The following CPED1 variants were observed in gnomAD, a reference collection of about 807,000 sequenced individuals.
CPED1 encodes the protein cadherin like and PC-esterase domain containing 1, also known as cadherin-like and PC-esterase domain-containing protein 1.
A neutral mutation model predicts 128.2 loss-of-function variants in CPED1; 114 were observed. That is an observed-to-expected ratio of 0.89 (90% confidence interval 0.76 to 1.04). CPED1 has a LOEUF of 1.04. CPED1 is among the 50% of genes least tolerant of loss of function. CPED1 has a pLI of 0.00. For synonymous variants in CPED1, 462 were observed against 426.7 expected, an observed-to-expected ratio of 1.08 and a Z score of -1.02; for missense variants, 1,211 against 1,207.1, an observed-to-expected ratio of 1.00 and a Z score of -0.05.
chr7:121,083,429 T>A (rs1419463265), intron 5 of CPED1, among the ~76,000 whole-genome samples: 2 of 152,154 alleles, frequency 1.3e-5, no homozygotes, highest in African/African-American at 4.8e-5. Flanking sequence ...TTTATGATAG[T>A]CTTTAGAATT....
At chr7:121,287,098 C>G (rs758121515) in intron 22 of CPED1, among the ~76,000 whole-genome samples, 73 of 152,168 alleles carry the variant, frequency 4.8e-4, no homozygotes, top group Non-Finnish European at 8.8e-5. Flanking sequence ...TCTACCTGGT[C>G]TCTCCCTTGA....
At chr7:121,278,202 G>C (rs1319917084) in intron 22 of CPED1, among the ~76,000 whole-genome samples, 1 of 152,124 alleles carries the variant, frequency 6.6e-6, no homozygotes, top group Non-Finnish European at 1.5e-5. Flanking sequence ...AAAGACTTTG[G>C]CATGTTTTTA....
intron 18 of CPED1, among the ~76,000 whole-genome samples, chr7:121,259,170 C>T (rs780528799): frequency 4.6e-5 from 7 of 152,006 alleles, no homozygotes; most frequent in Admixed American, 3.9e-4. Context: ...AGAAGCCCAC[C>T]TGCCTATAGG....
chr7:121,134,409 T>A (rs907804022), intron 13 of CPED1, among the ~76,000 whole-genome samples: 1 of 151,958 alleles, frequency 6.6e-6, no homozygotes, highest in Non-Finnish European at 1.5e-5. Context: ...GTTTACCAGT[T>A]TTATGCTCTC....
intron 18 of CPED1, among the ~76,000 whole-genome samples, chr7:121,258,620 C>T (rs1295305244): frequency 2.0e-5 from 3 of 152,056 alleles, no homozygotes; most frequent in Non-Finnish European, 4.4e-5. Flanking sequence ...ACTGGAGGAA[C>T]AGACAATGGA....
chr7:121,138,494 C>T (rs1795830241), intron 14 of CPED1, among the ~76,000 whole-genome samples: 1 of 152,022 alleles, frequency 6.6e-6, no homozygotes, highest in Admixed American at 6.6e-5. Context: ...ATAGTGCTCA[C>T]ACCAGAGATG....
At chr7:121,028,117 G>A (rs1253970236) in intron 3 of CPED1, among the ~76,000 whole-genome samples, 3 of 152,168 alleles carry the variant, frequency 2.0e-5, no homozygotes, top group Non-Finnish European at 2.9e-5. Flanking sequence ...ATGCGTCAGT[G>A]TTCTCTGGAA....
At chr7:121,157,714 AG>A (rs1286619743) in intron 16 of CPED1, among the ~76,000 whole-genome samples, 1 of 152,200 alleles carries the variant, frequency 6.6e-6, no homozygotes, top group Non-Finnish European at 1.5e-5. Context: ...CCCATGAATC[AG>A]GTATCAGACC....
chr7:121,243,896 T>A (rs1410693929), intron 17 of CPED1, among the ~76,000 whole-genome samples: 1 of 152,210 alleles, frequency 6.6e-6, no homozygotes, highest in Non-Finnish European at 1.5e-5. Context: ...CTTACTGAAG[T>A]GTTCAATGTA....
At chr7:121,141,878 A>G (rs1795912596) in intron 15 of CPED1, 95 bp from the exon 16 acceptor site, 2 of 907,210 alleles carry the variant, frequency 2.2e-6, no homozygotes. Context: ...TATTTATTCA[A>G]ATAGGTATTT....
chr7:121,125,671 A>G (rs1584530270), intron 8 of CPED1, 149 bp from the exon 9 acceptor site: 2 of 630,182 alleles, frequency 3.2e-6, no homozygotes, highest in South Asian at 1.9e-5. Context: ...ATAGTATTCC[A>G]TGGTGTGTAT....
intron 16 of CPED1, among the ~76,000 whole-genome samples, chr7:121,213,078 T>C (rs1318607187): frequency 1.3e-5 from 2 of 152,056 alleles, no homozygotes; most frequent in Non-Finnish European, 2.9e-5. Flanking sequence ...TGTTTAAAGA[T>C]GCCATCTGTA....
chr7:121,146,206 G>T (rs1004953970), intron 16 of CPED1, among the ~76,000 whole-genome samples: 1 of 152,006 alleles, frequency 6.6e-6, no homozygotes, highest in Non-Finnish European at 1.5e-5. Flanking sequence ...TCCTCACATG[G>T]TGGAAGCGGG....
Position 121,176,752 on chromosome 7 carries a change from T to C in CPED1, c.2055+34611T>C, listed in dbSNP as rs144968410. The stretch of plus-strand genomic sequence containing the variant: ...AGAAAATTGCTACTTTATGCATTTA[T>C]AGAGGCAGTGGAAAGAGCTGCGCTA... On this transcript the variant is annotated intron_variant, in intron 16 of 22. Coordinates refer to ENST00000310396, the MANE Select transcript of CPED1 (RefSeq NM_024913.5). Among the ~76,000 whole-genome samples the C allele has an allele frequency of 3.1e-3, 476 of 152,230 alleles. 5 individuals are homozygous for C. Among genetic ancestry groups the C allele is most frequent in the African/African-American group, 0.011 (450 of 41,572 alleles).
chr7:121,100,058 T>C lies in CPED1; in HGVS notation c.882T>C (p.Val294=), dbSNP rs1584511491. 6.2e-7 allele frequency: 1 copy of C among 1,613,644 alleles called. No individual in the cohort carries two copies. The part of the protein sequence containing the change: ...LRAFIHSTGT[V]WNPPKKKRFT... ...CATTCATTCATTCGACGGGCACAGT[T>C]TGGAATCCACCAAAGAAAAAACGCT... The change falls in exon 7 of 23, where the codon GTT becomes GTC. Residue 294 remains valine (V), a synonymous_variant. Transcript: ENST00000310396.
chr7:121,146,786 T>G (rs751526748), intron 16 of CPED1, among the ~76,000 whole-genome samples: 20 of 152,272 alleles, frequency 1.3e-4, no homozygotes, highest in Non-Finnish European at 2.5e-4. Flanking sequence ...TTGTATATAA[T>G]TGTCCCAGAG....
chr7:121,035,413 A>T (rs538837459), intron 3 of CPED1, among the ~76,000 whole-genome samples: 43 of 152,332 alleles, frequency 2.8e-4, no homozygotes, highest in African/African-American at 1.0e-3. Flanking sequence ...GAAATATTTT[A>T]AAAATTTAAA....
At chr7:121,264,320 T>C (rs1441616139) in intron 18 of CPED1, among the ~76,000 whole-genome samples, 1 of 152,106 alleles carries the variant, frequency 6.6e-6, no homozygotes, top group Non-Finnish European at 1.5e-5. Flanking sequence ...TTCCTAATTA[T>C]ACAGTGTTCT....
intron 7 of CPED1, among the ~76,000 whole-genome samples, chr7:121,103,012 TTGTA>T (rs1400466995): frequency 6.6e-6 from 1 of 152,182 alleles, no homozygotes; most frequent in Non-Finnish European, 1.5e-5. Context: ...TTTTTCCTCT[TTGTA>T]TGTAAGTGCC....
Sources: gnomAD v4.1 joint callset for allele counts (sites outside exome capture counted in the v4.1 genomes callset) on GRCh38, gnomAD v4.1.1 for gene constraint, MANE v1.5 for transcripts, NCBI Gene and HGNC (gene_info 2026-07-23, HGNC 2026-07-21) for gene names.